The following BICRA variants were observed in gnomAD, a reference collection of about 807,000 sequenced individuals.
The protein encoded by BICRA is BRD4-interacting chromatin-remodeling complex-associated protein.
In BICRA, 31 loss-of-function variants were observed where a neutral mutation model predicts 96.9. That is an observed-to-expected ratio of 0.32 (90% CI 0.24 to 0.43). The LOEUF is 0.43. Ranked by LOEUF, BICRA falls within the 20% of genes least tolerant of loss-of-function variation. The pLI is 1.00. For missense variants in BICRA, 2,283 were observed against 2,190.3 expected (o/e 1.04, Z -0.84); for synonymous variants, 1,350 against 1,071.8 (o/e 1.26, Z -5.07).
chr19:47,676,048 A>C, intron 5 of BICRA, 132 bp downstream of exon 5: 1 of 612,094 alleles, frequency 1.6e-6, no homozygotes, highest in Middle Eastern at 4.3e-4. Flanking sequence ...GGGGTGGGCC[A>C]CCCAGGGTGG....
intron 6 of BICRA, 104 bp downstream of exon 6, chr19:47,681,380 G>A: frequency 1.0e-6 from 1 of 992,014 alleles, no homozygotes; most frequent in East Asian, 3.0e-5. Context: ...TGCCACTGTG[G>A]CAGCTGGGGG....
intron 1 of BICRA, among the ~76,000 whole-genome samples, chr19:47,631,661 G>A (rs1007476268): frequency 7.2e-5 from 11 of 151,982 alleles, no homozygotes; most frequent in Admixed American, 5.9e-4. Context: ...CACCGCACTC[G>A]GCCGATTTAT....
Position 47,615,141 on chromosome 19 carries a change from G to A in BICRA, c.-108+5973G>A, listed in dbSNP as rs574167259. ...TGGGACTACAGGTGCACGCCACCACGCCCAGGGAGTTTTAATATTTTTGGT... is the reference window on the plus strand; with the variant it reads ...TGGGACTACAGGTGCACGCCACCACACCCAGGGAGTTTTAATATTTTTGGT... On this transcript the variant is annotated intron_variant, in intron 1 of 14. Transcript: ENST00000594866. Among the ~76,000 whole-genome samples the A allele has an allele frequency of 5.3e-5, 8 of 152,198 alleles. No individual in the cohort carries two copies. The East Asian group carries it at 1.2e-3, about 22-fold the overall frequency.
At chr19:47,640,709 T>A (rs376728652) in intron 1 of BICRA, among the ~76,000 whole-genome samples, 5 of 151,698 alleles carry the variant, frequency 3.3e-5, no homozygotes, top group African/African-American at 1.2e-4. Flanking sequence ...AAGGTGACAT[T>A]TGAACAAAGA....
At chr19:47,664,299 C>T (rs528123424) in intron 1 of BICRA, among the ~76,000 whole-genome samples, 6 of 152,140 alleles carry the variant, frequency 3.9e-5, no homozygotes, top group Non-Finnish European at 7.3e-5. Context: ...CTGATGACAG[C>T]GCAAAACTCC....
intron 1 of BICRA, among the ~76,000 whole-genome samples, chr19:47,653,374 C>T (rs1972569162): frequency 6.6e-6 from 1 of 150,974 alleles, no homozygotes; most frequent in South Asian, 2.1e-4. Context: ...TATTCACATA[C>T]CATAAAATCC....
rs1253099018 is a variant in BICRA at position 47,702,325 on chromosome 19, C to T, written c.4593C>T (p.Thr1531=). ...ACCCCCACGCTGCCTCGGCCGGCAC[C>T]CCCGCATCCCCGCCGCCCCTGCACA... ...PSYPHAASAG[T]PASPPPLHRP... is the part of the protein sequence containing the mutation. Residue 1531 remains threonine (T), a synonymous_variant, in exon 15 of 15, where the codon ACC becomes ACT. Coordinates refer to ENST00000594866, the MANE Select transcript of BICRA (RefSeq NM_001394372.1). 6.4e-6 allele frequency: 10 copies of T among 1,551,280 alleles called. No homozygotes were observed. In the African/African-American group the frequency reaches 1.4e-4, roughly 22 times the overall value.
chr19:47,682,562 C>T (rs1261104032), intron 7 of BICRA, among the ~76,000 whole-genome samples: 1 of 152,136 alleles, frequency 6.6e-6, no homozygotes, highest in East Asian at 1.9e-4. Flanking sequence ...GAAACAGAAT[C>T]AAATAGATTC....
At chr19:47,648,453 A>C (rs1175992927) in intron 1 of BICRA, among the ~76,000 whole-genome samples, 1 of 151,948 alleles carries the variant, frequency 6.6e-6, no homozygotes, top group Non-Finnish European at 1.5e-5. Flanking sequence ...TGGGGGAGCC[A>C]GGCAGGAGCT....
rs540620846 is a variant in BICRA, at chr19:47,701,779, G to A, written c.4047G>A (p.Pro1349=). The A allele has an allele frequency of 5.9e-6, 9 of 1,535,546 alleles. No individual in the cohort carries two copies. The Admixed American group carries it at 9.9e-5, about 17-fold the overall frequency. Reference sequence around the variant, plus strand: ...AGGTGGCCGAGCCCCCGCCACGGCCGCCACCACCACCGCCGCCCACGGGCC... The same window carrying A: ...AGGTGGCCGAGCCCCCGCCACGGCCACCACCACCACCGCCGCCCACGGGCC... The part of the protein sequence containing the change: ...TLKVAEPPPR[P]PPPPPPTGQM... Residue 1349 remains proline, a synonymous_variant, in exon 15 of 15, where the codon CCG becomes CCA. Coordinates refer to ENST00000594866, the MANE Select transcript of BICRA (RefSeq NM_001394372.1). The surrounding 1 kb of genome is among the most constrained non-coding windows in gnomAD (Gnocchi z 5.4).
chr19:47,680,311 C>G lies in BICRA; in HGVS notation c.1141C>G (p.Gln381Glu), dbSNP rs1316528155. 1.3e-6 allele frequency: 2 copies of G among 1,546,410 alleles called. No homozygotes were observed. Among genetic ancestry groups the G allele is most frequent in the Non-Finnish European group, 1.7e-6 (2 of 1,154,110 alleles). Reference sequence around the variant, plus strand: ...GCCCGCGGGCGCCACGCTCACCATCCAGGGCGAGCCGGGGGCGCTCCCGCA... The same window carrying G: ...GCCCGCGGGCGCCACGCTCACCATCGAGGGCGAGCCGGGGGCGCTCCCGCA... ...FAPAGATLTI[Q>E]GEPGALPQQP... is the part of the protein sequence containing the mutation. The change falls in exon 6 of 15, where the codon CAG becomes GAG. Residue 381 changes from glutamine (Q) to glutamate (E), a missense_variant. Transcript: ENST00000594866.
chr19:47,644,666 A>G lies in BICRA; in HGVS notation c.-107-25777A>G, dbSNP rs1387434700. ...CAGGCGCCCGCCACTATGCCCAGATAAGTTTTGTATTTTTAGTAGAGATGA... is the reference window on the plus strand; with the variant it reads ...CAGGCGCCCGCCACTATGCCCAGATGAGTTTTGTATTTTTAGTAGAGATGA... On this transcript the variant is annotated intron_variant, in intron 1 of 14. Transcript: ENST00000594866. 2.0e-5 allele frequency among the ~76,000 whole-genome samples: 3 copies of G among 151,934 alleles called. No homozygotes were observed. The East Asian group carries it at 5.8e-4, about 30-fold the overall frequency.
chr19:47,650,241 T>G (rs1177446425), intron 1 of BICRA, among the ~76,000 whole-genome samples: 1 of 152,160 alleles, frequency 6.6e-6, no homozygotes, highest in African/African-American at 2.4e-5. Flanking sequence ...CAAGTGATTT[T>G]CCTGCCTCAG....
rs756990560 is a variant in BICRA at position 47,694,932 on chromosome 19, T to TG, written c.2935dup (p.Ala979GlyfsTer86). 6 of 1,531,544 alleles carry TG rather than the reference T, an allele frequency of 3.9e-6. No homozygotes were observed. Among genetic ancestry groups the TG allele is most frequent in the Admixed American group, 2.2e-5 (1 of 45,158 alleles). 94.9% of individuals were successfully genotyped at this position (1,531,544 alleles called of 1,614,324 possible). On this transcript the variant is annotated frameshift_variant, in exon 9 of 15. Coordinates refer to ENST00000594866, the MANE Select transcript of BICRA (RefSeq NM_001394372.1). LOFTEE classifies it high-confidence loss of function. ...CCGGAATCATCCTCCAGAACAAGGCTGGGGGGGCCCCTGCCGCCCCGCAGA... is the reference window on the plus strand; with the variant it reads ...CCGGAATCATCCTCCAGAACAAGGCTGGGGGGGGCCCCTGCCGCCCCGCAGA...
chr19:47,653,265 C>T (rs8109463), intron 1 of BICRA, among the ~76,000 whole-genome samples: 41,645 of 151,296 alleles, frequency 0.28, 6,461 homozygotes, highest in Non-Finnish European at 0.35. Context: ...TCAAGTGATC[C>T]GCCTGCCTCG....
At chr19:47,659,685 T>TACACACACACACACACACAC (rs10567798) in intron 1 of BICRA, among the ~76,000 whole-genome samples, 1 of 132,414 alleles carries the variant, frequency 7.6e-6, no homozygotes, top group Non-Finnish European at 1.6e-5. Context: ...TGGTGGTGCA[T>TACACACACACACACACACAC]ACACACACAC....
chr19:47,631,123 A>G (rs1972216009), intron 1 of BICRA, among the ~76,000 whole-genome samples: 1 of 152,096 alleles, frequency 6.6e-6, no homozygotes, highest in Non-Finnish European at 1.5e-5. Flanking sequence ...TGCAGTCATC[A>G]AGGCTTACTG....
Position 47,694,354 on chromosome 19 carries a change from A to T in BICRA, c.2523A>T (p.Leu841=). 1 of 1,231,800 alleles carries T rather than the reference A, an allele frequency of 8.1e-7. No homozygotes were observed. Among genetic ancestry groups the T allele is most frequent in the Non-Finnish European group, 1.1e-6 (1 of 882,022 alleles). 76.3% of individuals were successfully genotyped at this position (1,231,800 alleles called of 1,614,324 possible). The change falls in exon 8 of 15, where the codon CTA becomes CTT. Residue 841 remains leucine (L), a synonymous_variant. Coordinates refer to ENST00000594866, the MANE Select transcript of BICRA (RefSeq NM_001394372.1). ...LPGIFVIQNQ[L]GVPPPASNPA... ...GCATCTTTGTCATCCAAAACCAGCT[A>T]GGCGTTCCCCCGCCTGCCAGCAACC... is the stretch of plus-strand genomic sequence containing the variant.
Position 47,701,349 on chromosome 19 carries a change from G to T in BICRA, c.3617G>T (p.Arg1206Leu). ...EKPDEYVSSSRSLGLPIAASS... is the reference protein window; with the variant it reads ...EKPDEYVSSSLSLGLPIAASS... Reference sequence around the variant, plus strand: ...GCAGACGAGTACGTGTCTTCCTCCCGCTCGCTCGGCCTCCCCATCGCAGCC... The same window carrying T: ...GCAGACGAGTACGTGTCTTCCTCCCTCTCGCTCGGCCTCCCCATCGCAGCC... The change falls in exon 15 of 15, where the codon CGC (arginine) becomes CTC (leucine). Residue 1206 changes from arginine (R) to leucine (L), a missense_variant. Coordinates refer to ENST00000594866, the MANE Select transcript of BICRA (RefSeq NM_001394372.1). This position sits in a 1 kb window ranked among gnomAD's most constrained non-coding sequence, Gnocchi z 5.4. 6.2e-7 allele frequency: 1 copy of T among 1,610,888 alleles called. No homozygotes were observed.
Sources: gnomAD v4.1 joint callset for allele counts (sites outside exome capture counted in the v4.1 genomes callset) on GRCh38, gnomAD v4.1.1 for gene constraint, Gnocchi (gnomAD v3.1) non-coding constraint, MANE v1.5 for transcripts, NCBI Gene and HGNC (gene_info 2026-07-23, HGNC 2026-07-21) for gene names.